GALNT10: variants seen among roughly 807,000 people sequenced by gnomAD.
GALNT10 encodes the protein GalNAc transferase 10.
GALNT10 carries 41 observed loss-of-function variants against 75.0 expected under a neutral mutation model. The observed-to-expected ratio is 0.55, with a 90% CI of 0.43 to 0.71. GALNT10 has a LOEUF of 0.71. GALNT10 is among the 30% of genes least tolerant of loss of function. GALNT10 has a pLI of 0.00. For synonymous variants in GALNT10, 302 were observed against 313.0 expected (o/e 0.96, Z 0.37); for missense variants, 727 against 818.5 (o/e 0.89, Z 1.36).
intron 4 of GALNT10, among the ~76,000 whole-genome samples, chr5:154,362,189 G>A (rs181097479): frequency 6.6e-6 from 1 of 152,356 alleles, no homozygotes; most frequent in South Asian, 2.1e-4. Context: ...TGGACACTGG[G>A]ATGTGTGCAT....
At chr5:154,333,146 A>G (rs1754892695) in intron 4 of GALNT10, among the ~76,000 whole-genome samples, 1 of 152,138 alleles carries the variant, frequency 6.6e-6, no homozygotes, top group South Asian at 2.1e-4. Flanking sequence ...TTTCTGAAAA[A>G]GTGTTCACTA....
chr5:154,209,740 C>T (rs995974031), intron 1 of GALNT10, among the ~76,000 whole-genome samples: 16 of 152,164 alleles, frequency 1.1e-4, no homozygotes, highest in Admixed American at 9.2e-4. Context: ...ATACCGTCAC[C>T]TTGGGGGTTA....
chr5:154,409,838 G>A lies in GALNT10; in HGVS notation c.1386+76G>A, dbSNP rs1273692857. On this transcript the variant is annotated intron_variant, in intron 9 of 11. Transcript: ENST00000297107. This position sits in a 1 kb window ranked among gnomAD's most constrained non-coding sequence, Gnocchi z 4.5. ...GCAAATGCAGATCCCATGTTCAAAA[G>A]GTAGAAAGTCAGTGCAGGGAGGAAA... The A allele has an allele frequency of 5.0e-6, 5 of 1,003,338 alleles. No homozygotes were observed. In the African/African-American group the frequency reaches 6.3e-5, roughly 13 times the overall value. 62.2% of individuals were successfully genotyped at this position (1,003,338 alleles called of 1,614,324 possible).
intron 1 of GALNT10, among the ~76,000 whole-genome samples, chr5:154,246,415 A>G (rs1009495915): frequency 1.3e-5 from 2 of 152,240 alleles, no homozygotes; most frequent in African/African-American, 4.8e-5. Context: ...ACTAGTTTAC[A>G]GTCCCACCAA....
rs564300720 is a variant in GALNT10, at chr5:154,287,231, A to T, written c.160-7585A>T. On this transcript the variant is annotated intron_variant, in intron 1 of 11. Transcript: ENST00000297107. ...TACTGTGGCTGCCCACCTGCCAAGC[A>T]GCTCAAATGTAAGGCCCTCCAATTC... Among the ~76,000 whole-genome samples the T allele has an allele frequency of 3.9e-5, 6 of 152,354 alleles. No homozygotes were observed. In the South Asian group the frequency reaches 1.2e-3, roughly 32 times the overall value.
chr5:154,292,226 G>A (rs777354644), intron 1 of GALNT10, among the ~76,000 whole-genome samples: 1 of 152,176 alleles, frequency 6.6e-6, no homozygotes, highest in Non-Finnish European at 1.5e-5. Context: ...AAACCTCAGC[G>A]TGTATCAGAA....
chr5:154,356,004 T>C (rs1581989773), intron 4 of GALNT10: 1 of 407,366 alleles, frequency 2.5e-6, no homozygotes, highest in East Asian at 7.1e-5. Context: ...CTGTCAGACA[T>C]TTGGCTCCAT....
chr5:154,398,503 ACCC>A (rs1756091801), intron 7 of GALNT10, among the ~76,000 whole-genome samples: 1 of 152,080 alleles, frequency 6.6e-6, no homozygotes, highest in South Asian at 2.1e-4. Flanking sequence ...GTATACAGGG[ACCC>A]TGCCCCACCC....
intron 3 of GALNT10, among the ~76,000 whole-genome samples, chr5:154,300,064 G>A (rs971255695): frequency 1.3e-5 from 2 of 152,058 alleles, no homozygotes; most frequent in Non-Finnish European, 2.9e-5. Context: ...TTGAACTCCT[G>A]GACTCAAGTG....
At position 154,409,052 on chromosome 5, in the gene GALNT10, C is replaced by T. The variant is rs1255386944; in HGVS notation, c.1165-489C>T. ...CTGGCTGGCATCCTGTCTTACCCAG[C>T]AATCCAAGCAGAAACAGAACGATTC... On this transcript the variant is annotated intron_variant, in intron 8 of 11. Transcript: ENST00000297107. The surrounding 1 kb of genome is among the most constrained non-coding windows in gnomAD (Gnocchi z 4.5). Among the ~76,000 whole-genome samples, 1 of 152,186 alleles carries T rather than the reference C, an allele frequency of 6.6e-6. No homozygotes were observed. Among genetic ancestry groups the T allele is most frequent in the Non-Finnish European group, 1.5e-5 (1 of 68,034 alleles).
intron 3 of GALNT10, among the ~76,000 whole-genome samples, chr5:154,300,125 C>T (rs143880114): frequency 3.9e-4 from 60 of 152,174 alleles, no homozygotes; most frequent in African/African-American, 1.4e-3. Context: ...TGTGAGCCAC[C>T]GTGCCTGGCC....
intron 1 of GALNT10, among the ~76,000 whole-genome samples, chr5:154,239,463 A>G (rs1753298332): frequency 6.6e-6 from 1 of 152,216 alleles, no homozygotes; most frequent in African/African-American, 2.4e-5. Flanking sequence ...TTAGGTTCTC[A>G]TAGGAGCCAA....
At chr5:154,386,541 T>C in intron 7 of GALNT10, 111 bp downstream of exon 7, 1 of 705,084 alleles carries the variant, frequency 1.4e-6, no homozygotes, top group Non-Finnish European at 2.6e-6. Context: ...CTCAGGGTTC[T>C]GTAGCCCTTC....
At chr5:154,311,629 T>TA (rs1825889917) in intron 3 of GALNT10, among the ~76,000 whole-genome samples, 1 of 150,178 alleles carries the variant, frequency 6.7e-6, no homozygotes, top group South Asian at 2.1e-4. Context: ...TTTTTTTTTT[T>TA]AAGACAGATT....
rs1353012365 is a variant in GALNT10 at position 154,376,959 on chromosome 5, C to G, written c.754+497C>G. On this transcript the variant is annotated intron_variant, in intron 5 of 11. Coordinates refer to ENST00000297107, the MANE Select transcript of GALNT10 (RefSeq NM_198321.4). This position sits in a 1 kb window ranked among gnomAD's most constrained non-coding sequence, Gnocchi z 4.1. ...TAAAACAAACTAAGATTCTGAGATA[C>G]TGAAGACTCACTTGTCCCCTTGAGC... Among the ~76,000 whole-genome samples, 2 of 152,228 alleles carry G rather than the reference C, an allele frequency of 1.3e-5. No homozygotes were observed. The highest frequency in any genetic ancestry group is 2.9e-5 in the Non-Finnish European group (2 of 68,042).
intron 7 of GALNT10, chr5:154,388,778 AAGTCGGAAGTGGCAAATAGGGCC>A (rs1442382020): frequency 6.7e-6 from 1 of 150,330 alleles, no homozygotes; most frequent in Non-Finnish European, 1.5e-5. Context: ...ATAACAATCT[AAGTCGGAAGTGGCAAATAGGGCC>A]AGGAATGGTG....
chr5:154,204,259 T>TG (rs1260145821), intron 1 of GALNT10, among the ~76,000 whole-genome samples: 3 of 152,208 alleles, frequency 2.0e-5, no homozygotes, highest in African/African-American at 4.8e-5. Context: ...CCCTGAATTC[T>TG]CTGCTGGATC....
chr5:154,414,960 C>T (rs918146848), intron 10 of GALNT10, among the ~76,000 whole-genome samples: 2 of 152,078 alleles, frequency 1.3e-5, no homozygotes, highest in Admixed American at 1.3e-4. Flanking sequence ...CCCTTCTCTA[C>T]TAAAACTACA....
intron 1 of GALNT10, among the ~76,000 whole-genome samples, chr5:154,240,490 C>A (rs527459976): frequency 6.6e-6 from 1 of 152,226 alleles, no homozygotes; most frequent in East Asian, 1.9e-4. Context: ...AGTCATTGGT[C>A]TTAGAGCTAC....
Sources: allele counts gnomAD v4.1 joint callset (sites outside exome capture counted in the v4.1 genomes callset), GRCh38; gene constraint gnomAD v4.1.1; non-coding constraint Gnocchi (gnomAD v3.1); transcripts MANE v1.5; gene names NCBI Gene and HGNC (gene_info 2026-07-23, HGNC 2026-07-21).